The following SAMMSON variants were observed in gnomAD, a reference collection of about 807,000 sequenced individuals.
SAMMSON encodes long intergenic non-protein coding RNA 1212.
At chr3:70,209,070 T>C (rs1403156031) in intron 4 of SAMMSON, among the ~76,000 whole-genome samples, 2 of 152,080 alleles carry the variant, frequency 1.3e-5, no homozygotes, top group Non-Finnish European at 2.9e-5. Context: ...ATGATGATGG[T>C]GATGAAAATC....
intron 3 of SAMMSON, among the ~76,000 whole-genome samples, chr3:70,056,526 C>G (rs541107963): frequency 2.0e-5 from 3 of 151,630 alleles, no homozygotes; most frequent in Non-Finnish European, 3.0e-5. Flanking sequence ...TTTTCATGAC[C>G]CATTTAATGT....
At chr3:70,288,673 A>G (rs975089690) in intron 6 of SAMMSON, among the ~76,000 whole-genome samples, 1 of 151,816 alleles carries the variant, frequency 6.6e-6, no homozygotes, top group Non-Finnish European at 1.5e-5. Flanking sequence ...AAAGTCTCCC[A>G]TTATTAATGT....
intron 1 of SAMMSON, among the ~76,000 whole-genome samples, chr3:70,006,653 T>C (rs1026407804): frequency 2.0e-5 from 3 of 152,162 alleles, no homozygotes; most frequent in Admixed American, 6.5e-5. Flanking sequence ...TATTTTTTTA[T>C]TTTTTCCTTT....
intron 1 of SAMMSON, among the ~76,000 whole-genome samples, chr3:70,008,807 C>T (rs546733930): frequency 2.5e-3 from 374 of 152,236 alleles, no homozygotes; most frequent in African/African-American, 8.5e-3. Context: ...TTTTGAGATA[C>T]GTCCCATCAA....
rs144250713 is a variant in SAMMSON, at chr3:70,188,546, G to C, written n.508-60561G>C. ...GTGAACAGGAATAATGAAAGGGATG[G>C]TATATGGAATAAGTCTCAAAAAGTT... On this transcript the variant is annotated intron_variant and non_coding_transcript_variant, in intron 4 of 9. Coordinates refer to ENST00000642114, the Ensembl canonical transcript of SAMMSON. 3.2e-3 allele frequency among the ~76,000 whole-genome samples: 482 copies of C among 152,266 alleles called. 7 individuals are homozygous for C. Among genetic ancestry groups the C allele is most frequent in the African/African-American group, 0.011 (462 of 41,566 alleles).
chr3:70,250,481 G>T (rs1295284275), intron 6 of SAMMSON, among the ~76,000 whole-genome samples: 1 of 150,772 alleles, frequency 6.6e-6, no homozygotes, highest in Admixed American at 6.6e-5. Flanking sequence ...TTTCCAACGA[G>T]ATGTAAATCA....
chr3:70,289,531 A>G (rs1404556863), intron 6 of SAMMSON, among the ~76,000 whole-genome samples: 1 of 147,484 alleles, frequency 6.8e-6, no homozygotes, highest in Non-Finnish European at 1.5e-5. Flanking sequence ...TCTGACAATT[A>G]TGTGTCTTGG....
chr3:70,062,461 G>A (rs906265220), intron 3 of SAMMSON, among the ~76,000 whole-genome samples: 1 of 152,138 alleles, frequency 6.6e-6, no homozygotes, highest in Middle Eastern at 3.4e-3. Context: ...TAAGCTCATT[G>A]AGGACAGACT....
intron 4 of SAMMSON, among the ~76,000 whole-genome samples, chr3:70,245,076 A>G (rs1003044598): frequency 3.9e-5 from 6 of 152,170 alleles, no homozygotes; most frequent in Admixed American, 3.3e-4. Flanking sequence ...TTCATTTTGA[A>G]GAGGAGAAGT....
At chr3:70,106,926 C>G (rs1250065191) in intron 4 of SAMMSON, among the ~76,000 whole-genome samples, 3 of 152,182 alleles carry the variant, frequency 2.0e-5, no homozygotes, top group Non-Finnish European at 4.4e-5. Flanking sequence ...ATTTTCTGAA[C>G]AGCTCACGTT....
intron 2 of SAMMSON, among the ~76,000 whole-genome samples, chr3:70,418,981 C>CCTTTCCTTTCCTTTCT (rs1374352220): frequency 4.0e-5 from 3 of 74,942 alleles, no homozygotes; most frequent in African/African-American, 1.8e-4. Context: ...TTCCTTCCTT[C>CCTTTCCTTTCCTTTCT]TCTCTCTCTC....
chr3:70,122,855 T>C (rs2067440721), intron 4 of SAMMSON, among the ~76,000 whole-genome samples: 1 of 152,232 alleles, frequency 6.6e-6, no homozygotes, highest in Non-Finnish European at 1.5e-5. Flanking sequence ...TTAAATTGTC[T>C]GCCAAATTTT....
chr3:70,015,729 A>G lies in SAMMSON; in HGVS notation n.417+2057A>G, dbSNP rs1488953445. On this transcript the variant is annotated intron_variant and non_coding_transcript_variant, in intron 3 of 9. Coordinates refer to ENST00000642114, the Ensembl canonical transcript of SAMMSON. ...TCCCTCCCCGCTTCCCCACCCCACG[A>G]CAGGCCCCGGTGTGTGATGTTCCCC... 1.7e-4 allele frequency among the ~76,000 whole-genome samples: 25 copies of G among 151,488 alleles called. 1 individual carries two copies. In the East Asian group the frequency reaches 2.5e-3, roughly 15 times the overall value.
At chr3:70,160,317 G>C (rs977117554) in intron 4 of SAMMSON, among the ~76,000 whole-genome samples, 1 of 151,810 alleles carries the variant, frequency 6.6e-6, no homozygotes, top group African/African-American at 2.4e-5. Context: ...GATAATATTT[G>C]CATGTGTTGT....
intron 4 of SAMMSON, among the ~76,000 whole-genome samples, chr3:70,149,853 C>G (rs985637121): frequency 1.3e-5 from 2 of 151,962 alleles, no homozygotes; most frequent in Non-Finnish European, 2.9e-5. Context: ...GTTTGTGGCC[C>G]CAAGTTACAA....
At chr3:70,030,893 A>C (rs1423459928) in intron 3 of SAMMSON, among the ~76,000 whole-genome samples, 1 of 152,178 alleles carries the variant, frequency 6.6e-6, no homozygotes, top group East Asian at 1.9e-4. Context: ...AAAAAAGAAA[A>C]TAACAATTGT....
intron 4 of SAMMSON, among the ~76,000 whole-genome samples, chr3:70,204,110 CTGTTT>C (rs1225663048): frequency 2.6e-5 from 4 of 152,118 alleles, no homozygotes; most frequent in East Asian, 1.9e-4. Flanking sequence ...CTTTTCCATC[CTGTTT>C]TAAGTGGGGC....
At chr3:70,084,424 G>A (rs1576117759) in intron 4 of SAMMSON, among the ~76,000 whole-genome samples, 1 of 152,154 alleles carries the variant, frequency 6.6e-6, no homozygotes, top group Non-Finnish European at 1.5e-5. Flanking sequence ...TACTTAGAAG[G>A]GAAAGAAAAG....
At chr3:70,028,219 CTCTT>C (rs1371794039) in intron 3 of SAMMSON, among the ~76,000 whole-genome samples, 1 of 143,590 alleles carries the variant, frequency 7.0e-6, no homozygotes, top group African/African-American at 2.6e-5. Flanking sequence ...TTCTTTCTTT[CTCTT>C]TTTCTTTCTT....
Sources: allele counts gnomAD v4.1 joint callset (sites outside exome capture counted in the v4.1 genomes callset), GRCh38; gene constraint gnomAD v4.1.1; transcripts MANE v1.5; gene names NCBI Gene and HGNC (gene_info 2026-07-23, HGNC 2026-07-21).